Variants in SNX29 observed in about 807,000 individuals in gnomAD.
SNX29 encodes the protein sorting nexin 29.
A neutral mutation model predicts 102.1 loss-of-function variants in SNX29; 78 were observed. The ratio of observed to expected loss-of-function variants is 0.76; its 90% CI spans 0.64 to 0.92. The LOEUF (loss-of-function observed/expected upper bound fraction) is 0.92. SNX29 is among the 40% of genes least tolerant of loss of function. SNX29 has a pLI of 0.00. For missense variants in SNX29, 1,280 were observed against 1,061.7 expected, an observed-to-expected ratio of 1.21 and a Z score of -2.86; for synonymous variants, 580 against 414.5, an observed-to-expected ratio of 1.40 and a Z score of -4.85.
chr16:12,433,177 C>G (rs539462581), intron 18 of SNX29, among the ~76,000 whole-genome samples: 2 of 152,328 alleles, frequency 1.3e-5, no homozygotes, highest in South Asian at 4.1e-4. Context: ...TTGTCTACAT[C>G]TTGGTTAGCC....
At position 12,570,054 on chromosome 16, in the gene SNX29, T is replaced by G. The variant is rs908660710; in HGVS notation, c.*1425T>G. On this transcript the variant is annotated 3_prime_UTR_variant, in exon 21 of 21. Coordinates refer to ENST00000566228, the MANE Select transcript of SNX29 (RefSeq NM_032167.5). ...GGAGCATCTCCTAGGCTCGAGGACA[T>G]CTCTGGAGAATCATCTGGAAGGTTT... 2.5e-5 allele frequency: 14 copies of G among 552,404 alleles called. No individual in the cohort carries two copies. The highest frequency in any genetic ancestry group is 3.2e-5 in the Non-Finnish European group (13 of 411,110). The allele number at this position is 552,404 out of a possible 1,614,324, so 34.2% of individuals were successfully genotyped here.
chr16:12,193,470 C>CAGAA (rs760154045), intron 13 of SNX29, among the ~76,000 whole-genome samples: 2 of 137,404 alleles, frequency 1.5e-5, no homozygotes, highest in East Asian at 4.2e-4. Context: ...ACTCCATCTT[C>CAGAA]AAAAAAAAAA....
At position 12,569,982 on chromosome 16, in the gene SNX29, A is replaced by G. The variant is rs2079152108; in HGVS notation, c.*1353A>G. On this transcript the variant is annotated 3_prime_UTR_variant, in exon 21 of 21. Coordinates refer to ENST00000566228, the MANE Select transcript of SNX29 (RefSeq NM_032167.5). ...TGGTAAGCCATGGGCTTGTCCTGGAACTGCTTCAACTCAGTGGCTTAAAAT... is the reference window on the plus strand; with the variant it reads ...TGGTAAGCCATGGGCTTGTCCTGGAGCTGCTTCAACTCAGTGGCTTAAAAT... The G allele has an allele frequency of 4.1e-6, 1 of 245,820 alleles. No homozygotes were observed. The highest frequency in any genetic ancestry group is 2.2e-5 in the African/African-American group (1 of 45,534). The allele number at this position is 245,820 out of a possible 1,614,324, so 15.2% of individuals were successfully genotyped here.
chr16:12,013,186 T>C (rs1401746024), intron 3 of SNX29, among the ~76,000 whole-genome samples: 1 of 151,654 alleles, frequency 6.6e-6, no homozygotes, highest in South Asian at 2.1e-4. Context: ...GGCTCTACCA[T>C]GGAAGCTTTG....
chr16:12,160,531 G>T (rs1180086375), intron 13 of SNX29, among the ~76,000 whole-genome samples: 1 of 152,190 alleles, frequency 6.6e-6, no homozygotes, highest in Non-Finnish European at 1.5e-5. Flanking sequence ...ACAGAAACGA[G>T]ATTAGTGGTT....
chr16:12,133,062 C>T (rs898161049), intron 13 of SNX29, among the ~76,000 whole-genome samples: 1 of 152,066 alleles, frequency 6.6e-6, no homozygotes, highest in Non-Finnish European at 1.5e-5. Context: ...AGTGGAGTGT[C>T]GCAGGCTGGA....
intron 15 of SNX29, among the ~76,000 whole-genome samples, chr16:12,298,996 TA>T (rs371181294): frequency 0.038 from 5,263 of 139,804 alleles, 92 homozygotes; most frequent in Middle Eastern, 0.052. Context: ...AATGAGTCTT[TA>T]AAAAAAAAAA....
chr16:12,165,321 T>C (rs2055971230), intron 13 of SNX29, among the ~76,000 whole-genome samples: 1 of 152,224 alleles, frequency 6.6e-6, no homozygotes, highest in African/African-American at 2.4e-5. Context: ...TTTCTAGTTA[T>C]TATGTGGTGC....
intron 18 of SNX29, among the ~76,000 whole-genome samples, chr16:12,452,647 G>T (rs1243890573): frequency 6.6e-6 from 1 of 152,090 alleles, no homozygotes; most frequent in Non-Finnish European, 1.5e-5. Context: ...ATGTGAGGGA[G>T]GGTCACCAGC....
At chr16:12,397,803 G>T (rs922016467) in intron 16 of SNX29, among the ~76,000 whole-genome samples, 2 of 152,112 alleles carry the variant, frequency 1.3e-5, no homozygotes, top group Non-Finnish European at 2.9e-5. Flanking sequence ...GCTTACTGGG[G>T]GTCACGTGCA....
chr16:12,029,485 G>C (rs559921207), intron 4 of SNX29: 73 of 451,622 alleles, frequency 1.6e-4, no homozygotes, highest in African/African-American at 1.4e-3. Flanking sequence ...AGCCAGTACA[G>C]AATACAGTAT....
At chr16:12,320,781 A>G (rs1006727666) in intron 15 of SNX29, among the ~76,000 whole-genome samples, 1 of 152,198 alleles carries the variant, frequency 6.6e-6, no homozygotes, top group Admixed American at 6.5e-5. Context: ...CTTCCTTCCA[A>G]ACTCAAGAGT....
intron 13 of SNX29, among the ~76,000 whole-genome samples, chr16:12,164,493 A>G (rs1028310574): frequency 6.6e-6 from 1 of 152,100 alleles, no homozygotes; most frequent in Non-Finnish European, 1.5e-5. Flanking sequence ...TACAACCTTG[A>G]GAAGATTGAG....
intron 7 of SNX29, among the ~76,000 whole-genome samples, chr16:12,049,880 G>A (rs2050235434): frequency 6.6e-6 from 1 of 152,214 alleles, no homozygotes; most frequent in Admixed American, 6.5e-5. Flanking sequence ...GCCTCCCAAA[G>A]TGCTGGGATT....
At chr16:12,244,597 C>T (rs933196378) in intron 14 of SNX29, among the ~76,000 whole-genome samples, 4 of 151,728 alleles carry the variant, frequency 2.6e-5, no homozygotes, top group Middle Eastern at 3.4e-3. Flanking sequence ...GTGACAGAGA[C>T]TCCATCTCAA....
At position 12,078,742 on chromosome 16, in the gene SNX29, G is replaced by A. The variant is rs1357709960; in HGVS notation, c.1320-91G>A. On this transcript the variant is annotated intron_variant, in intron 10 of 20. Transcript: ENST00000566228. ...CTCTATCCCTTCTAGTAGAGGTACC[G>A]GAGTAAACCGACCTCTGCTAGTTTT... 10 of 1,053,698 alleles carry A rather than the reference G, an allele frequency of 9.5e-6. No individual in the cohort carries two copies. In the East Asian group the frequency reaches 1.0e-4, roughly 11 times the overall value. The allele number at this position is 1,053,698 out of a possible 1,614,324, so 65.3% of individuals were successfully genotyped here.
intron 20 of SNX29, among the ~76,000 whole-genome samples, chr16:12,547,308 G>A (rs563010083): frequency 6.3e-4 from 96 of 152,338 alleles, no homozygotes; most frequent in South Asian, 2.5e-3. Flanking sequence ...GGAAGCCAGG[G>A]TAGCCCAGGA....
At chr16:12,566,520 G>T (rs144140166) in intron 20 of SNX29, among the ~76,000 whole-genome samples, 1 of 152,172 alleles carries the variant, frequency 6.6e-6, no homozygotes, top group African/African-American at 2.4e-5. Context: ...CTCAGACCCC[G>T]CATCTGAAGA....
intron 20 of SNX29, among the ~76,000 whole-genome samples, chr16:12,530,624 C>T (rs556185542): frequency 1.1e-3 from 163 of 151,898 alleles, no homozygotes; most frequent in Admixed American, 2.2e-3. Context: ...GGCGCAATCT[C>T]AGCTCACTGC....
Sources: gnomAD v4.1 joint callset for allele counts (sites outside exome capture counted in the v4.1 genomes callset) on GRCh38, gnomAD v4.1.1 for gene constraint, MANE v1.5 for transcripts, NCBI Gene and HGNC (gene_info 2026-07-23, HGNC 2026-07-21) for gene names.